The following UBXN8 variants were observed in gnomAD, a reference collection of about 807,000 sequenced individuals.
The protein encoded by UBXN8 is UBX domain protein 8.
In UBXN8, 27 loss-of-function variants were observed where a neutral mutation model predicts 32.1. The observed-to-expected ratio is 0.84, with a 90% CI of 0.62 to 1.16. UBXN8 has a LOEUF of 1.16. UBXN8 is among the 50% of genes most tolerant of loss of function. The pLI, the probability that UBXN8 is intolerant of heterozygous loss-of-function variation, is 0.00. For synonymous variants in UBXN8, 109 were observed against 111.8 expected, an observed-to-expected ratio of 0.98 and a Z score of 0.16; for missense variants, 306 against 311.4, an observed-to-expected ratio of 0.98 and a Z score of 0.13.
At chr8:30,763,391 A>T (rs370481123) in intron 7 of UBXN8, 44 bp downstream of exon 7, 59 of 1,577,308 alleles carry the variant, frequency 3.7e-5, no homozygotes, top group Middle Eastern at 3.3e-4. Context: ...TTTGTTGAAT[A>T]TGGCAGTAGT....
chr8:30,757,877 AG>A (rs1173692335), intron 5 of UBXN8, among the ~76,000 whole-genome samples: 7 of 151,162 alleles, frequency 4.6e-5, no homozygotes, highest in Admixed American at 2.0e-4. Flanking sequence ...AAAAAAAAAA[AG>A]AATTGATATT....
At chr8:30,752,637 T>A (rs754126070) in intron 2 of UBXN8, among the ~76,000 whole-genome samples, 1 of 152,170 alleles carries the variant, frequency 6.6e-6, no homozygotes, top group Non-Finnish European at 1.5e-5. Flanking sequence ...AGCAAAAGTT[T>A]GTGAGTCCTA....
At chr8:30,734,904 C>G (rs1805041332) in intron 1 of UBXN8, among the ~76,000 whole-genome samples, 1 of 152,116 alleles carries the variant, frequency 6.6e-6, no homozygotes, top group Non-Finnish European at 1.5e-5. Flanking sequence ...GATCACACCA[C>G]TGTATTCCAG....
upstream of UBXN8, chr8:30,744,069 G>A: frequency 4.8e-6 from 4 of 832,682 alleles, no homozygotes; most frequent in Non-Finnish European, 7.8e-6. Context: ...ACGGCCGTCA[G>A]TATTTACCAC....
At chr8:30,761,634 AG>A (rs746396052) in intron 6 of UBXN8, among the ~76,000 whole-genome samples, 1 of 152,070 alleles carries the variant, frequency 6.6e-6, no homozygotes, top group Non-Finnish European at 1.5e-5. Context: ...GCACTTTGGG[AG>A]GCCAAGAGGG....
upstream of UBXN8, among the ~76,000 whole-genome samples, chr8:30,729,180 TC>T (rs1563551760): frequency 2.0e-5 from 3 of 152,180 alleles, no homozygotes; most frequent in East Asian, 5.8e-4. Flanking sequence ...TGCGGGGAAC[TC>T]CCGCCAGCTT....
upstream of UBXN8, among the ~76,000 whole-genome samples, chr8:30,743,243 G>A (rs897244200): frequency 6.8e-6 from 1 of 147,530 alleles, no homozygotes; most frequent in Non-Finnish European, 1.5e-5. Flanking sequence ...AGCAACCTCC[G>A]CATGCGGGTT....
Position 30,756,900 on chromosome 8 carries a change from A to G in UBXN8, c.528+13A>G, listed in dbSNP as rs761815486. 6.2e-7 allele frequency: 1 copy of G among 1,613,698 alleles called. No homozygotes were observed. Among genetic ancestry groups the G allele is most frequent in the Non-Finnish European group, 8.5e-7 (1 of 1,179,736 alleles). On this transcript the variant is annotated intron_variant, in intron 5 of 7. Coordinates refer to ENST00000265616, the MANE Select transcript of UBXN8 (RefSeq NM_005671.4). ...CACATGCAAGGAGGTAAAGTACTTCATGCCTCTCATTGAATTGTGTCTGTG... is the reference window on the plus strand; with the variant it reads ...CACATGCAAGGAGGTAAAGTACTTCGTGCCTCTCATTGAATTGTGTCTGTG...
In UBXN8 at chr8:30,733,129, CA is replaced by C. The variant is rs1805004583; in HGVS notation, c.444del (p.Val149Ter). 1 of 152,314 alleles carries C rather than the reference CA, an allele frequency of 6.6e-6. No homozygotes were observed. The highest frequency in any genetic ancestry group is 2.4e-5 in the African/African-American group (1 of 41,462). 9.4% of individuals were successfully genotyped at this position (152,314 alleles called of 1,614,324 possible). ...GACCTCCGGGACCAGCCTTGGGCATCAGTAGACTGGGAACTATACGTGGATG... is the reference window on the plus strand; with the variant it reads ...GACCTCCGGGACCAGCCTTGGGCATCGTAGACTGGGAACTATACGTGGATG... On this transcript the variant is annotated frameshift_variant, in exon 1 of 2. Transcript: ENST00000522968. LOFTEE classifies it high-confidence loss of function.
intron 1 of UBXN8, among the ~76,000 whole-genome samples, chr8:30,736,794 T>A (rs1297494305): frequency 6.6e-6 from 1 of 152,196 alleles, no homozygotes; most frequent in Non-Finnish European, 1.5e-5. Context: ...TTGAATTGTA[T>A]TTTGCAATAT....
chr8:30,761,848 G>T (rs1430484884), intron 6 of UBXN8, among the ~76,000 whole-genome samples: 1 of 152,100 alleles, frequency 6.6e-6, no homozygotes, highest in Non-Finnish European at 1.5e-5. Context: ...GGGCTGGGCT[G>T]GGACTGATCC....
chr8:30,765,880 C>T (rs1045942598), intron 7 of UBXN8, among the ~76,000 whole-genome samples: 1 of 151,448 alleles, frequency 6.6e-6, no homozygotes, highest in Non-Finnish European at 1.5e-5. Flanking sequence ...TGGTAGTGGG[C>T]GCCTGTATAA....
At chr8:30,743,399 C>T (rs1805260093), upstream of UBXN8, among the ~76,000 whole-genome samples, 3 of 147,380 alleles carry the variant, frequency 2.0e-5, no homozygotes, top group South Asian at 6.5e-4. Flanking sequence ...TGTGATCCGC[C>T]CGCCTCGGCC....
intron 1 of UBXN8, among the ~76,000 whole-genome samples, chr8:30,747,866 A>G (rs1374819324): frequency 9.0e-6 from 1 of 111,204 alleles, no homozygotes; most frequent in African/African-American, 3.5e-5. Context: ...TGGGAGGCCA[A>G]GTTTTCTTTT....
chr8:30,739,324 C>G (rs1313084844), upstream of UBXN8, among the ~76,000 whole-genome samples: 1 of 150,328 alleles, frequency 6.7e-6, no homozygotes, highest in Non-Finnish European at 1.5e-5. Flanking sequence ...GCGGGTGGAT[C>G]ACGATGTCAG....
In UBXN8 at chr8:30,751,518, G is replaced by T; in HGVS notation, c.211G>T (p.Glu71Ter). 1 of 1,595,216 alleles carries T rather than the reference G, an allele frequency of 6.3e-7. No homozygotes were observed. The highest frequency in any genetic ancestry group is 8.5e-7 in the Non-Finnish European group (1 of 1,172,748). ...TAAATCTCCCCAAGTTTATCTGAAG[G>T]GTAAGTTTATTATTTATTCTACCCT... ...SFKSPQVYLKEEEEKNEKRQK... is the reference protein window; with the variant it reads ...SFKSPQVYLK The change falls in exon 2 of 8, where the codon GAA becomes TAA. Residue 71 changes from glutamate to a stop codon, truncating the protein, a stop_gained and splice_region_variant. Coordinates refer to ENST00000265616, the MANE Select transcript of UBXN8 (RefSeq NM_005671.4). LOFTEE classifies it high-confidence loss of function.
At chr8:30,765,210 G>A (rs1020027426) in intron 7 of UBXN8, among the ~76,000 whole-genome samples, 1 of 152,004 alleles carries the variant, frequency 6.6e-6, no homozygotes, top group African/African-American at 2.4e-5. Flanking sequence ...ACTGTGCCTG[G>A]CCATCATAAC....
rs555670241 is a variant in UBXN8, at chr8:30,761,240, T to G, written c.570+311T>G. On this transcript the variant is annotated intron_variant, in intron 6 of 7. Transcript: ENST00000265616. ...ACTATTTTGCAAGCCTGCTGTCTGC[T>G]GAGTTGTCTTTTTTTTTTTTTGAGA... 4.6e-5 allele frequency among the ~76,000 whole-genome samples: 7 copies of G among 151,628 alleles called. No homozygotes were observed. The South Asian group carries it at 1.5e-3, about 31-fold the overall frequency.
rs145314857 is a variant in UBXN8 at position 30,744,269 on chromosome 8, CG to C, written c.82del (p.Asp28IlefsTer2). 7,424 of 1,613,478 alleles carry C rather than the reference CG, an allele frequency of 4.6e-3. 29 individuals are homozygous for C. Among genetic ancestry groups the C allele is most frequent in the Non-Finnish European group, 5.2e-3 (6,132 of 1,179,696 alleles). On this transcript the variant is annotated frameshift_variant, in exon 1 of 8. Transcript: ENST00000265616. LOFTEE classifies it high-confidence loss of function. ...TGTCTGGAGCTCCGGCGTGGGATCC[CG>C]GATATAGGTAAGTGTGACTTTTTCC... ...LVCLELRRGI[P>X]DIGIKDFLLL...
Sources: gnomAD v4.1 joint callset for allele counts (sites outside exome capture counted in the v4.1 genomes callset) on GRCh38, gnomAD v4.1.1 for gene constraint, MANE v1.5 for transcripts, NCBI Gene and HGNC (gene_info 2026-07-23, HGNC 2026-07-21) for gene names.